HM13: variants seen among roughly 807,000 people sequenced by gnomAD.
HM13 encodes the protein signal peptide peptidase.
Under a neutral mutation model 50.0 loss-of-function variants are expected in HM13, and 18 were observed. The observed-to-expected ratio is 0.36, with a 90% CI of 0.25 to 0.53. The LOEUF is 0.53. Among genes scored for constraint, HM13 ranks in the 20% least tolerant of loss-of-function variants. The probability of loss-of-function intolerance (pLI) is 0.90; values close to 1 mark genes in which losing one functional copy is unlikely to be tolerated. For synonymous variants in HM13, 197 were observed against 232.6 expected (o/e 0.85, Z 1.39); for missense variants, 393 against 552.4 (o/e 0.71, Z 2.89).
chr20:31,541,791 C>T (rs770729825), intron 3 of HM13: 1 of 152,182 alleles, frequency 6.6e-6, no homozygotes, highest in Non-Finnish European at 1.5e-5. Flanking sequence ...GAATTTTGAT[C>T]AGCTGCCTGT....
At chr20:31,551,917 G>C (rs1342478255) in intron 7 of HM13, among the ~76,000 whole-genome samples, 1 of 152,136 alleles carries the variant, frequency 6.6e-6, no homozygotes, top group Non-Finnish European at 1.5e-5. Context: ...TCCCAGCTTT[G>C]GCCTGAATAA....
intron 3 of HM13, 40 bp from the exon 4 acceptor site, chr20:31,544,906 TG>T: frequency 6.4e-7 from 1 of 1,557,298 alleles, no homozygotes; most frequent in Non-Finnish European, 8.9e-7. Flanking sequence ...TGACTGCCCA[TG>T]GGGGCTCTGT....
At position 31,561,750 on chromosome 20, in the gene HM13, T is replaced by G; in HGVS notation, c.948+14T>G. 1.9e-6 allele frequency: 3 copies of G among 1,550,276 alleles called. No individual in the cohort carries two copies. The highest frequency in any genetic ancestry group is 2.7e-6 in the Non-Finnish European group (3 of 1,121,774). On this transcript the variant is annotated intron_variant, in intron 10 of 12. Transcript: ENST00000398174. ...AAGCATGCTCAGGTGGGCAGGACGG[T>G]ATCAGAGTGTCAGGAATGCCTCACT...
intron 9 of HM13, among the ~76,000 whole-genome samples, chr20:31,560,901 T>C (rs1276586642): frequency 6.6e-6 from 1 of 152,238 alleles, no homozygotes; most frequent in African/African-American, 2.4e-5. Flanking sequence ...CAAATGTTAA[T>C]TGAGTCCATA....
intron 2 of HM13, among the ~76,000 whole-genome samples, chr20:31,530,610 C>T (rs1236137630): frequency 6.6e-6 from 1 of 152,080 alleles, no homozygotes; most frequent in Non-Finnish European, 1.5e-5. Context: ...GGGGTTTCAC[C>T]ATGTTGGCCA....
intron 1 of HM13, among the ~76,000 whole-genome samples, chr20:31,522,244 A>C (rs1027889200): frequency 1.3e-5 from 2 of 152,134 alleles, no homozygotes; most frequent in African/African-American, 4.8e-5. Context: ...CTGCCTGATA[A>C]GCACTTCCTT....
chr20:31,524,965 G>A (rs768292802), intron 1 of HM13, among the ~76,000 whole-genome samples: 13 of 151,936 alleles, frequency 8.6e-5, no homozygotes, highest in Admixed American at 3.9e-4. Flanking sequence ...CGCCTGCCTC[G>A]GCCTCCCAAA....
intron 9 of HM13, 101 bp downstream of exon 9, chr20:31,559,748 C>A: frequency 9.3e-7 from 1 of 1,072,394 alleles, no homozygotes; most frequent in Non-Finnish European, 1.4e-6. Flanking sequence ...GACCCTCCAC[C>A]CCCACAGCAG....
At chr20:31,532,096 A>ATTT (rs374817984) in intron 2 of HM13, among the ~76,000 whole-genome samples, 1 of 148,346 alleles carries the variant, frequency 6.7e-6, no homozygotes. Context: ...CTATTCACAG[A>ATTT]TTTTTTTTTT....
intron 2 of HM13, chr20:31,535,181 GTT>G (rs1226667545): frequency 1.3e-5 from 2 of 151,980 alleles, no homozygotes; most frequent in African/African-American, 2.4e-5. Flanking sequence ...TGTAAAGTAA[GTT>G]TTTAAAATAA....
intron 2 of HM13, among the ~76,000 whole-genome samples, chr20:31,528,579 A>G (rs1426987970): frequency 1.3e-5 from 2 of 152,246 alleles, no homozygotes; most frequent in African/African-American, 2.4e-5. Context: ...CCCAGGTTCA[A>G]GTGGTTCTCC....
chr20:31,556,419 T>C (rs947886989), intron 8 of HM13, among the ~76,000 whole-genome samples: 1 of 152,186 alleles, frequency 6.6e-6, no homozygotes, highest in Non-Finnish European at 1.5e-5. Context: ...CAGGGTAGGA[T>C]ATTATAGCAA....
At chr20:31,548,351 A>T in intron 4 of HM13, 1 of 277,442 alleles carries the variant, frequency 3.6e-6, no homozygotes, top group East Asian at 8.0e-5. Context: ...GCAATTGAGA[A>T]TGGTCTAACA....
chr20:31,529,322 T>C (rs1008697998), intron 2 of HM13, among the ~76,000 whole-genome samples: 6 of 152,140 alleles, frequency 3.9e-5, no homozygotes, highest in African/African-American at 1.4e-4. Flanking sequence ...CATGGCTCAC[T>C]ACAGCCTCAA....
chr20:31,522,616 A>T (rs1982240994), intron 1 of HM13, among the ~76,000 whole-genome samples: 1 of 133,544 alleles, frequency 7.5e-6, no homozygotes, highest in African/African-American at 3.7e-5. Context: ...GCTCCAGACT[A>T]CCAGACACTG....
At chr20:31,518,823 G>A (rs985274564) in intron 1 of HM13, among the ~76,000 whole-genome samples, 11 of 151,804 alleles carry the variant, frequency 7.2e-5, no homozygotes, top group Non-Finnish European at 1.5e-4. Flanking sequence ...GCACCACTGG[G>A]CAACAGTGAG....
At chr20:31,526,581 A>C (rs1033024332) in intron 1 of HM13, among the ~76,000 whole-genome samples, 2 of 152,174 alleles carry the variant, frequency 1.3e-5, no homozygotes, top group Non-Finnish European at 1.5e-5. Context: ...TTTCATGTAA[A>C]TATTTATCCT....
chr20:31,516,907 T>C (rs573640323), intron 1 of HM13, among the ~76,000 whole-genome samples: 43 of 152,328 alleles, frequency 2.8e-4, no homozygotes, highest in Middle Eastern at 3.4e-3. Context: ...CCAGTTTCAT[T>C]ATCCTCATTG....
chr20:31,540,560 G>C (rs943388161), intron 3 of HM13: 5 of 152,170 alleles, frequency 3.3e-5, no homozygotes, highest in Admixed American at 1.3e-4. Context: ...CTACAATGAA[G>C]ATCTTATCTC....
Sources: allele counts gnomAD v4.1 joint callset (sites outside exome capture counted in the v4.1 genomes callset), GRCh38; gene constraint gnomAD v4.1.1; transcripts MANE v1.5; gene names NCBI Gene and HGNC (gene_info 2026-07-23, HGNC 2026-07-21).